MFF: variants seen among roughly 807,000 people sequenced by gnomAD.
MFF encodes mitochondrial fission factor.
In MFF, 12 loss-of-function variants were observed where a neutral mutation model predicts 36.9. The ratio of observed to expected loss-of-function variants is 0.33; its 90% CI spans 0.21 to 0.53. The LOEUF is 0.53. MFF is among the 20% of genes least tolerant of loss of function. MFF has a pLI of 0.95. For missense variants in MFF, 348 were observed against 366.6 expected, an observed-to-expected ratio of 0.95 and a Z score of 0.42; for synonymous variants, 99 against 126.2, an observed-to-expected ratio of 0.78 and a Z score of 1.44.
At chr2:227,355,446 C>T in intron 7 of MFF, 1 of 264,008 alleles carries the variant, frequency 3.8e-6, no homozygotes, top group Admixed American at 5.3e-5. Flanking sequence ...ATTTTTTTCC[C>T]ATTCTCCAGT....
At chr2:227,340,255 T>A (rs1423843568) in intron 4 of MFF, 37 bp from the exon 5 acceptor site, 1 of 1,543,048 alleles carries the variant, frequency 6.5e-7, no homozygotes, top group Non-Finnish European at 9.0e-7. Context: ...CTACTAAGAA[T>A]ATTTCTATTT....
Position 227,330,988 on chromosome 2 carries a change from T to A in MFF, c.181+142T>A, listed in dbSNP as rs1001388696. 4 of 675,432 alleles carry A rather than the reference T, an allele frequency of 5.9e-6. No homozygotes were observed. The African/African-American group carries it at 7.3e-5, about 12-fold the overall frequency. 41.8% of individuals were successfully genotyped at this position (675,432 alleles called of 1,614,324 possible). On this transcript the variant is annotated intron_variant, in intron 3 of 8. Coordinates refer to ENST00000304593, the MANE Select transcript of MFF (RefSeq NM_001277062.2). Reference sequence around the variant, plus strand: ...TACTTTTGAAATTTCTATTCATTATTATAGTCTGAATTGCAAACAGTATTT... The same window carrying A: ...TACTTTTGAAATTTCTATTCATTATAATAGTCTGAATTGCAAACAGTATTT...
chr2:227,337,641 CTG>C (rs1398428570), intron 4 of MFF, among the ~76,000 whole-genome samples: 1 of 152,182 alleles, frequency 6.6e-6, no homozygotes, highest in Non-Finnish European at 1.5e-5. Flanking sequence ...GCACTAGACA[CTG>C]TGACCCAACT....
At chr2:227,333,840 T>G (rs1295545059) in intron 4 of MFF, among the ~76,000 whole-genome samples, 3 of 152,238 alleles carry the variant, frequency 2.0e-5, no homozygotes, top group African/African-American at 7.2e-5. Context: ...TCTTCGGGTT[T>G]TTCTGTTGGT....
intron 4 of MFF, among the ~76,000 whole-genome samples, chr2:227,333,710 G>A (rs1026452985): frequency 1.3e-5 from 2 of 152,192 alleles, no homozygotes; most frequent in Admixed American, 1.3e-4. Context: ...AAAGTATCCA[G>A]TGTGCTCCCA....
chr2:227,348,020 T>C (rs1574974845), intron 6 of MFF, among the ~76,000 whole-genome samples: 1 of 152,324 alleles, frequency 6.6e-6, no homozygotes, highest in African/African-American at 2.4e-5. Context: ...TCAAGTACTT[T>C]TTGTCCTTGC....
chr2:227,355,857 G>A, intron 8 of MFF, 96 bp downstream of exon 8: 1 of 734,502 alleles, frequency 1.4e-6, no homozygotes, highest in Non-Finnish European at 2.3e-6. Flanking sequence ...CTCTCCTGTG[G>A]GACTATCAAA....
intron 8 of MFF, 29 bp from the exon 9 acceptor site, chr2:227,356,957 T>A: frequency 6.3e-7 from 1 of 1,575,040 alleles, no homozygotes; most frequent in Non-Finnish European, 8.7e-7. Flanking sequence ...CTCTATATTA[T>A]ATTTTTTGTG....
intron 4 of MFF, 117 bp downstream of exon 4, chr2:227,332,705 A>T (rs1292198837): frequency 3.3e-5 from 21 of 644,240 alleles, no homozygotes; most frequent in Non-Finnish European, 2.6e-6. Context: ...TCCATATGGA[A>T]CATTACTAAT....
chr2:227,327,284 C>G (rs764548314), intron 1 of MFF, among the ~76,000 whole-genome samples: 11 of 152,074 alleles, frequency 7.2e-5, no homozygotes, highest in Non-Finnish European at 1.3e-4. Context: ...GAGATTTTGC[C>G]TCGTTTGTTA....
In MFF at chr2:227,357,110, G is replaced by A. The variant is rs62190918; in HGVS notation, c.869G>A (p.Arg290His). The change falls in exon 9 of 9, where the codon CGC (arginine) becomes CAC (histidine). Residue 290 changes from arginine (R) to histidine (H), a missense_variant. By Grantham distance (29) the Arg-to-His change is conservative. Coordinates refer to ENST00000304593, the MANE Select transcript of MFF (RefSeq NM_001277062.2). ...FWLLNSWLWF[R>H]R ...CTGCTTAATAGCTGGCTCTGGTTTC[G>A]CCGCTAGAGGTAACATCAGCCCTCA... 2.5e-5 allele frequency: 40 copies of A among 1,611,442 alleles called. No individual in the cohort carries two copies. Among genetic ancestry groups the A allele is most frequent in the African/African-American group, 5.3e-5 (4 of 74,840 alleles).
At chr2:227,326,093 A>G (rs2074096209) in intron 1 of MFF, among the ~76,000 whole-genome samples, 1 of 152,238 alleles carries the variant, frequency 6.6e-6, no homozygotes, top group East Asian at 1.9e-4. Flanking sequence ...CTTCCTCTGC[A>G]GGACGTGTGC....
rs374784481 is a variant in MFF at position 227,340,502 on chromosome 2, A to G, written c.440+122A>G. The G allele has an allele frequency of 1.3e-5, 9 of 714,338 alleles. No homozygotes were observed. In the South Asian group the frequency reaches 1.6e-4, roughly 12 times the overall value. 44.2% of individuals were successfully genotyped at this position (714,338 alleles called of 1,614,324 possible). A position where few individuals can be genotyped will look rare whatever the true frequency, so the allele number is the denominator to read the frequency against. On this transcript the variant is annotated intron_variant, in intron 5 of 8. Coordinates refer to ENST00000304593, the MANE Select transcript of MFF (RefSeq NM_001277062.2). ...AAAATTTGTTTTACATCAATTTTAT[A>G]TTTTTGTAATACTTTTTGTAATCTT...
At chr2:227,338,374 A>G (rs201493504) in intron 4 of MFF, among the ~76,000 whole-genome samples, 1 of 132,340 alleles carries the variant, frequency 7.6e-6, no homozygotes, top group Admixed American at 7.0e-5. Context: ...TGTCTCAAAA[A>G]AAAAAAAAAG....
At chr2:227,354,461 A>G (rs2076161702) in intron 7 of MFF, among the ~76,000 whole-genome samples, 1 of 152,210 alleles carries the variant, frequency 6.6e-6, no homozygotes. Flanking sequence ...TAGAAAATTT[A>G]CTATGCCATT....
chr2:227,355,580 A>C (rs2076215784), intron 7 of MFF, 97 bp from the exon 8 acceptor site: 1 of 604,962 alleles, frequency 1.7e-6, no homozygotes, highest in African/African-American at 1.9e-5. Context: ...CAATTTTCTG[A>C]ATACTACTTT....
At chr2:227,345,743 C>G (rs2075675157) in intron 5 of MFF, among the ~76,000 whole-genome samples, 1 of 151,950 alleles carries the variant, frequency 6.6e-6, no homozygotes, top group African/African-American at 2.4e-5. Flanking sequence ...ATGGGTTTTG[C>G]CAATTACCAT....
intron 1 of MFF, among the ~76,000 whole-genome samples, chr2:227,326,495 A>G (rs1237393552): frequency 1.3e-5 from 2 of 152,136 alleles, no homozygotes; most frequent in South Asian, 2.1e-4. Context: ...AAAGGCTTGT[A>G]TATTGGTTTT....
intron 6 of MFF, 167 bp from the exon 7 acceptor site, chr2:227,352,347 G>T: frequency 1.8e-6 from 1 of 551,252 alleles, no homozygotes; most frequent in African/African-American, 1.9e-5. Flanking sequence ...TAAAATGGAG[G>T]ACACATGAGA....
Sources: allele counts gnomAD v4.1 joint callset (sites outside exome capture counted in the v4.1 genomes callset), GRCh38; gene constraint gnomAD v4.1.1; transcripts MANE v1.5; gene names NCBI Gene and HGNC (gene_info 2026-07-23, HGNC 2026-07-21).